Variants in SCMH1 observed in about 807,000 individuals in gnomAD.
SCMH1 encodes the protein polycomb protein SCMH1.
In SCMH1, 37 loss-of-function variants were observed where a neutral mutation model predicts 70.8. The ratio of observed to expected loss-of-function variants is 0.52; its 90% CI spans 0.40 to 0.69. The LOEUF (loss-of-function observed/expected upper bound fraction) is 0.69, where lower values mean the gene tolerates loss of function less well. Among genes scored for constraint, SCMH1 ranks in the 30% least tolerant of loss-of-function variants. The pLI, the probability that SCMH1 is intolerant of heterozygous loss-of-function variation, is 0.00. For missense variants in SCMH1, 607 were observed against 827.3 expected (o/e 0.73, Z 3.27); for synonymous variants, 292 against 307.4 (o/e 0.95, Z 0.52).
At chr1:41,170,864 T>C (rs550407853) in intron 2 of SCMH1, among the ~76,000 whole-genome samples, 1 of 152,264 alleles carries the variant, frequency 6.6e-6, no homozygotes, top group African/African-American at 2.4e-5. Flanking sequence ...ACTTCCAAAT[T>C]CACATTTCCA....
At chr1:41,234,201 G>A (rs1422844734) in intron 1 of SCMH1, among the ~76,000 whole-genome samples, 6 of 152,142 alleles carry the variant, frequency 3.9e-5, no homozygotes, top group South Asian at 4.1e-4. Flanking sequence ...TTGGAAGGCC[G>A]AGGTGGGAGG....
At chr1:41,091,579 A>G (rs939678116) in intron 8 of SCMH1, among the ~76,000 whole-genome samples, 3 of 152,200 alleles carry the variant, frequency 2.0e-5, no homozygotes, top group Non-Finnish European at 4.4e-5. Flanking sequence ...CAATTAGGAA[A>G]AGAGGAAGTC....
At chr1:41,086,425 A>G (rs149746202) in intron 8 of SCMH1, among the ~76,000 whole-genome samples, 14 of 152,326 alleles carry the variant, frequency 9.2e-5, no homozygotes, top group African/African-American at 3.4e-4. Flanking sequence ...AAGACACACA[A>G]GTAGACTTGA....
chr1:41,217,241 C>A (rs538020228), intron 1 of SCMH1, among the ~76,000 whole-genome samples: 2 of 152,222 alleles, frequency 1.3e-5, no homozygotes, highest in South Asian at 4.2e-4. Flanking sequence ...GAAAACTTGT[C>A]CGAATTATGT....
intron 1 of SCMH1, among the ~76,000 whole-genome samples, chr1:41,199,402 T>G (rs1253190358): frequency 1.3e-5 from 2 of 152,194 alleles, no homozygotes; most frequent in Non-Finnish European, 2.9e-5. Context: ...ATATCATATG[T>G]ACTCTTTTAT....
intron 2 of SCMH1, among the ~76,000 whole-genome samples, chr1:41,179,712 G>A (rs1648136122): frequency 6.6e-6 from 1 of 152,154 alleles, no homozygotes; most frequent in Non-Finnish European, 1.5e-5. Flanking sequence ...TGAAATTGAG[G>A]CGATAATTAA....
At chr1:41,152,525 C>A in intron 4 of SCMH1, 1 of 1,482,660 alleles carries the variant, frequency 6.7e-7, no homozygotes, top group Non-Finnish European at 9.4e-7. Context: ...ATACAGACCT[C>A]ATTGGATCAC....
chr1:41,096,887 C>A (rs1387489531), intron 8 of SCMH1, among the ~76,000 whole-genome samples: 1 of 152,270 alleles, frequency 6.6e-6, no homozygotes, highest in Non-Finnish European at 1.5e-5. Flanking sequence ...TAGATGGGAC[C>A]AGCTGCTAAA....
chr1:41,117,862 A>G lies in SCMH1; in HGVS notation c.413-852T>C, dbSNP rs190877381. 2.6e-5 allele frequency among the ~76,000 whole-genome samples: 4 copies of G among 151,060 alleles called. No individual in the cohort carries two copies. In the East Asian group the frequency reaches 5.9e-4, roughly 22 times the overall value. ...TTACCTATCATGGGAGACGGCTCAC[A>G]CTCCTTACCCTGCCCCTTTGTCTTG... On this transcript the variant is annotated intron_variant, in intron 6 of 14. Transcript: ENST00000337495.
intron 9 of SCMH1, among the ~76,000 whole-genome samples, chr1:41,071,039 C>T (rs965139821): frequency 6.6e-6 from 1 of 151,906 alleles, no homozygotes; most frequent in Non-Finnish European, 1.5e-5. Context: ...GCAAAATATG[C>T]CATAGTTTAA....
In SCMH1 at chr1:41,164,957, A is replaced by C. The variant is rs150110136; in HGVS notation, c.14-3525T>G. 2.8e-3 allele frequency among the ~76,000 whole-genome samples: 426 copies of C among 152,260 alleles called. 4 individuals are homozygous for C. The highest frequency in any genetic ancestry group is 9.7e-3 in the African/African-American group (403 of 41,562). On this transcript the variant is annotated intron_variant, in intron 2 of 14. Coordinates refer to ENST00000337495, the Ensembl canonical transcript of SCMH1. ...TAATACATTATTATTAACTACAGTC[A>C]ACATGCTCTGCAATAGAACACCAGA...
At chr1:41,103,660 T>A (rs1456586008) in intron 8 of SCMH1, among the ~76,000 whole-genome samples, 1 of 152,312 alleles carries the variant, frequency 6.6e-6, no homozygotes, top group East Asian at 1.9e-4. Context: ...ACTGCATAAA[T>A]CACATCTCAC....
intron 6 of SCMH1, among the ~76,000 whole-genome samples, chr1:41,138,932 A>C (rs966886005): frequency 6.6e-6 from 1 of 152,334 alleles, no homozygotes; most frequent in African/African-American, 2.4e-5. Flanking sequence ...CAGCAAAAAA[A>C]CAAAAGGTTC....
At chr1:41,073,872 GGGAGGAATTAATGAGATTGGGAT>G (rs1351365409) in intron 9 of SCMH1, among the ~76,000 whole-genome samples, 3 of 152,182 alleles carry the variant, frequency 2.0e-5, no homozygotes, top group South Asian at 2.1e-4. Context: ...ACTAACCCTA[GGGAGGAATTAATGAGATTGGGAT>G]GGAGGAATTA....
chr1:41,181,532 G>T (rs914102941), intron 2 of SCMH1, among the ~76,000 whole-genome samples: 1 of 152,008 alleles, frequency 6.6e-6, no homozygotes, highest in South Asian at 2.1e-4. Context: ...TCAAAAAGTG[G>T]GCCAAGGATA....
In SCMH1 at chr1:41,114,279, C is replaced by A. The variant is rs571379253; in HGVS notation, c.502-753G>T. Among the ~76,000 whole-genome samples, 29 of 152,142 alleles carry A rather than the reference C, an allele frequency of 1.9e-4. No homozygotes were observed. In the East Asian group the frequency reaches 4.6e-3, roughly 24 times the overall value. The stretch of plus-strand genomic sequence containing the variant: ...TGGTTGTAACATTGTATACTTTCAC[C>A]GGAAGTGTAGAGAGTTCCTGGGTGC... On this transcript the variant is annotated intron_variant, in intron 7 of 14. Transcript: ENST00000337495.
chr1:41,173,103 T>A (rs923868038), intron 2 of SCMH1, among the ~76,000 whole-genome samples: 1 of 151,934 alleles, frequency 6.6e-6, no homozygotes, highest in Non-Finnish European at 1.5e-5. Context: ...CACGAGATTA[T>A]ATCAAACTAA....
At chr1:41,144,941 C>T (rs1644419531) in intron 5 of SCMH1, among the ~76,000 whole-genome samples, 1 of 152,066 alleles carries the variant, frequency 6.6e-6, no homozygotes. Flanking sequence ...ATCATGTTGT[C>T]TTTTAATTTC....
chr1:41,055,455 T>C (rs1460649496), intron 10 of SCMH1, among the ~76,000 whole-genome samples: 1 of 152,158 alleles, frequency 6.6e-6, no homozygotes, highest in Non-Finnish European at 1.5e-5. Flanking sequence ...GTTCACGCCA[T>C]TCTCCTGCCT....
Sources: gnomAD v4.1 joint callset for allele counts (sites outside exome capture counted in the v4.1 genomes callset) on GRCh38, gnomAD v4.1.1 for gene constraint, MANE v1.5 for transcripts, NCBI Gene and HGNC (gene_info 2026-07-23, HGNC 2026-07-21) for gene names.